IMMP2L: variants seen among roughly 807,000 people sequenced by gnomAD.
IMMP2L encodes the protein mitochondrial inner membrane protease subunit 2.
Under a neutral mutation model 19.3 loss-of-function variants are expected in IMMP2L, and 18 were observed. That is an observed-to-expected ratio of 0.93 (90% CI 0.64 to 1.38). The LOEUF (loss-of-function observed/expected upper bound fraction) is 1.38. Among genes scored for constraint, IMMP2L ranks in the 40% most tolerant of loss-of-function variants. IMMP2L has a pLI of 0.00. For synonymous variants in IMMP2L, 76 were observed against 73.0 expected (o/e 1.04, Z -0.21); for missense variants, 233 against 218.2 (o/e 1.07, Z -0.43).
chr7:111,017,615 C>T (rs1390444419), intron 3 of IMMP2L, among the ~76,000 whole-genome samples: 1 of 152,096 alleles, frequency 6.6e-6, no homozygotes, highest in African/African-American at 2.4e-5. Flanking sequence ...TTCAGTTTAC[C>T]TTTACTTGCC....
chr7:111,265,906 T>C (rs533086013), intron 3 of IMMP2L, among the ~76,000 whole-genome samples: 12 of 152,190 alleles, frequency 7.9e-5, no homozygotes, highest in Non-Finnish European at 1.3e-4. Context: ...GATTAAAGTC[T>C]ACATGACTGG....
chr7:111,390,186 C>G (rs2131319330), intron 3 of IMMP2L, among the ~76,000 whole-genome samples: 1 of 152,266 alleles, frequency 6.6e-6, no homozygotes. Context: ...ACCGCCCTCC[C>G]TTGGGGTATT....
intron 3 of IMMP2L, among the ~76,000 whole-genome samples, chr7:111,217,967 T>C (rs77505483): frequency 6.6e-6 from 1 of 152,098 alleles, no homozygotes; most frequent in South Asian, 2.1e-4. Flanking sequence ...AGTATTTTCA[T>C]GTTCTTCACT....
In IMMP2L at chr7:110,915,784, A is replaced by G. The variant is rs185891416; in HGVS notation, c.306-29089T>C. ...AATTGTTTTAAAATTAAAAAATAAAACATTATACTGCAAAAAAGAGAAAGA... is the reference window on the plus strand; with the variant it reads ...AATTGTTTTAAAATTAAAAAATAAAGCATTATACTGCAAAAAAGAGAAAGA... On this transcript the variant is annotated intron_variant, in intron 4 of 5. Transcript: ENST00000405709. 2.6e-5 allele frequency among the ~76,000 whole-genome samples: 4 copies of G among 151,682 alleles called. No individual in the cohort carries two copies. The East Asian group carries it at 7.7e-4, about 29-fold the overall frequency.
At chr7:111,463,812 G>A (rs1840363466) in intron 3 of IMMP2L, among the ~76,000 whole-genome samples, 1 of 152,140 alleles carries the variant, frequency 6.6e-6, no homozygotes, top group African/African-American at 2.4e-5. Flanking sequence ...CCCATTGAAT[G>A]TACCGTCTGT....
intron 5 of IMMP2L, among the ~76,000 whole-genome samples, chr7:110,848,151 A>G (rs921991033): frequency 3.9e-5 from 6 of 152,190 alleles, no homozygotes; most frequent in Non-Finnish European, 7.3e-5. Context: ...AAGTATTTGT[A>G]AAAGAAATGT....
At chr7:111,139,888 C>G (rs1449401101) in intron 3 of IMMP2L, among the ~76,000 whole-genome samples, 2 of 152,080 alleles carry the variant, frequency 1.3e-5, no homozygotes, top group Non-Finnish European at 2.9e-5. Flanking sequence ...GACAAGATTG[C>G]CTGTGCTGTT....
intron 3 of IMMP2L, among the ~76,000 whole-genome samples, chr7:111,103,011 G>A (rs867683616): frequency 6.6e-6 from 1 of 151,410 alleles, no homozygotes; most frequent in African/African-American, 2.4e-5. Context: ...CAATAACATG[G>A]TCTTTTTTAA....
At chr7:111,163,802 T>C (rs943777722) in intron 3 of IMMP2L, among the ~76,000 whole-genome samples, 2 of 152,062 alleles carry the variant, frequency 1.3e-5, no homozygotes, top group African/African-American at 4.8e-5. Context: ...TCCAATAGTC[T>C]GATATCTCTT....
intron 5 of IMMP2L, among the ~76,000 whole-genome samples, chr7:110,741,860 A>T (rs1562949552): frequency 6.6e-6 from 1 of 152,232 alleles, no homozygotes; most frequent in Non-Finnish European, 1.5e-5. Context: ...ATTGTAATGT[A>T]TAAATCAATT....
chr7:111,306,118 T>C (rs1822839914), intron 3 of IMMP2L, among the ~76,000 whole-genome samples: 1 of 152,214 alleles, frequency 6.6e-6, no homozygotes, highest in Non-Finnish European at 1.5e-5. Flanking sequence ...TCATTCTATT[T>C]TACATTTCTA....
At chr7:111,122,646 T>G (rs1166833358) in intron 3 of IMMP2L, 2 of 721,426 alleles carry the variant, frequency 2.8e-6, no homozygotes, top group East Asian at 5.4e-5. Context: ...AAAAACTTTG[T>G]GGTTCTATGG....
intron 3 of IMMP2L, among the ~76,000 whole-genome samples, chr7:111,081,013 T>C (rs890622626): frequency 6.6e-6 from 1 of 152,236 alleles, no homozygotes; most frequent in East Asian, 1.9e-4. Context: ...TCAAAATGAA[T>C]TGAAGACCTG....
intron 3 of IMMP2L, among the ~76,000 whole-genome samples, chr7:110,984,859 G>A (rs1225827061): frequency 1.3e-5 from 2 of 152,048 alleles, no homozygotes; most frequent in Non-Finnish European, 2.9e-5. Context: ...CTGTAAATAC[G>A]TGAGCTTTCA....
intron 2 of IMMP2L, among the ~76,000 whole-genome samples, chr7:111,505,200 G>T (rs1334417313): frequency 1.3e-5 from 2 of 151,714 alleles, no homozygotes; most frequent in South Asian, 4.2e-4. Context: ...AGACATTTAT[G>T]CAGCCAAAAA....
intron 5 of IMMP2L, among the ~76,000 whole-genome samples, chr7:110,880,230 G>A (rs1374629383): frequency 1.3e-5 from 2 of 151,980 alleles, no homozygotes; most frequent in South Asian, 2.1e-4. Context: ...TCACTACAGG[G>A]TCCATTTATG....
rs114803468 is a variant in IMMP2L, at chr7:110,717,333, C to T, written c.409-53612G>A. Among the ~76,000 whole-genome samples the T allele has an allele frequency of 6.7e-3, 1,025 of 152,164 alleles. 9 individuals are homozygous for T. The highest frequency in any genetic ancestry group is 0.017 in the African/African-American group (719 of 41,512). ...CTACTAAAAATACAAAAAAAATTAG[C>T]GGGTGTCTGTAGTCCCAGCTACTTG... On this transcript the variant is annotated intron_variant, in intron 5 of 5. Transcript: ENST00000405709.
intron 2 of IMMP2L, among the ~76,000 whole-genome samples, chr7:111,516,475 C>A (rs1845877235): frequency 6.6e-6 from 1 of 152,084 alleles, no homozygotes; most frequent in Non-Finnish European, 1.5e-5. Context: ...AGGAGTTCTA[C>A]GCACTACTCT....
chr7:110,831,496 A>G (rs953144), intron 5 of IMMP2L, among the ~76,000 whole-genome samples: 1 of 152,134 alleles, frequency 6.6e-6, no homozygotes, highest in African/African-American at 2.4e-5. Flanking sequence ...CCATATGGTA[A>G]TAACAAATTA....
Sources: allele counts gnomAD v4.1 joint callset (sites outside exome capture counted in the v4.1 genomes callset), GRCh38; gene constraint gnomAD v4.1.1; transcripts MANE v1.5; gene names NCBI Gene and HGNC (gene_info 2026-07-23, HGNC 2026-07-21).